EIF2B3: variants seen among roughly 807,000 people sequenced by gnomAD.
The protein encoded by EIF2B3 is eukaryotic translation initiation factor 2B subunit gamma, also known as translation initiation factor eIF2B subunit gamma.
Under a neutral mutation model 54.1 loss-of-function variants are expected in EIF2B3, and 20 were observed. The observed-to-expected ratio is 0.37, with a 90% CI of 0.26 to 0.54. EIF2B3 has a LOEUF of 0.54. EIF2B3 is among the 20% of genes least tolerant of loss of function. The pLI, the probability that EIF2B3 is intolerant of heterozygous loss-of-function variation, is 0.86. For missense variants in EIF2B3, 448 were observed against 547.8 expected, an observed-to-expected ratio of 0.82 and a Z score of 1.82; for synonymous variants, 153 against 188.1, an observed-to-expected ratio of 0.81 and a Z score of 1.52.
intron 5 of EIF2B3, among the ~76,000 whole-genome samples, chr1:44,919,130 T>C (rs756548889): frequency 6.6e-6 from 1 of 152,082 alleles, no homozygotes; most frequent in Non-Finnish European, 1.5e-5. Flanking sequence ...GGTGGATCAC[T>C]TGAGGTCAGG....
chr1:44,902,348 C>G (rs1643322094), intron 5 of EIF2B3, among the ~76,000 whole-genome samples: 1 of 152,076 alleles, frequency 6.6e-6, no homozygotes. Flanking sequence ...AAATATCCAA[C>G]TGAGATTCTA....
chr1:44,872,177 T>C (rs1654987050), intron 10 of EIF2B3, among the ~76,000 whole-genome samples: 2 of 152,138 alleles, frequency 1.3e-5, no homozygotes, highest in Admixed American at 1.3e-4. Context: ...AGACTACTGA[T>C]GTATGCCACC....
rs200098057 is a variant in EIF2B3 at position 44,966,467 on chromosome 1, A to C, written c.294+11848T>G. ...AAAAAAAAAAAAAAAGAAGAAGAAGAAGCCTGGCACTAAATAGAAATTGCC... is the reference window on the plus strand; with the variant it reads ...AAAAAAAAAAAAAAAGAAGAAGAAGCAGCCTGGCACTAAATAGAAATTGCC... On this transcript the variant is annotated intron_variant, in intron 3 of 11. Coordinates refer to ENST00000360403, the MANE Select transcript of EIF2B3 (RefSeq NM_020365.5). 2.6e-5 allele frequency among the ~76,000 whole-genome samples: 4 copies of C among 151,416 alleles called. No individual in the cohort carries two copies. In the East Asian group the frequency reaches 7.7e-4, roughly 29 times the overall value.
chr1:44,853,872 G>A (rs1654352335), intron 11 of EIF2B3, among the ~76,000 whole-genome samples: 1 of 152,140 alleles, frequency 6.6e-6, no homozygotes, highest in Non-Finnish European at 1.5e-5. Flanking sequence ...TCAACAGCCT[G>A]ACCTATACCA....
chr1:44,941,550 T>C lies in EIF2B3; in HGVS notation c.410A>G (p.Asp137Gly). 6.2e-7 allele frequency: 1 copy of C among 1,614,052 alleles called. No homozygotes were observed. Among genetic ancestry groups the C allele is most frequent in the Non-Finnish European group, 8.5e-7 (1 of 1,179,950 alleles). ...TTGACCGGGAACAGGTTCTATGCTA[T>C]CTTGGCCTTTTCTCATCAACATAGC... is the stretch of plus-strand genomic sequence containing the variant. The part of the protein sequence containing the change: ...SLAMLMRKGQ[D>G]SIEPVPGQKG... Residue 137 changes from aspartate (D) to glycine (G), a missense_variant, in exon 4 of 12, where the codon GAT becomes GGT. By Grantham distance (94) the Asp-to-Gly change is moderately conservative (BLOSUM62 -1). Transcript: ENST00000360403.
chr1:44,900,057 C>T (rs1469943431), intron 5 of EIF2B3, among the ~76,000 whole-genome samples: 1 of 152,194 alleles, frequency 6.6e-6, no homozygotes, highest in Non-Finnish European at 1.5e-5. Flanking sequence ...CTGGAGGCCA[C>T]TATCCTAAGC....
At chr1:44,891,772 G>T (rs1346974316) in intron 6 of EIF2B3, among the ~76,000 whole-genome samples, 1 of 152,158 alleles carries the variant, frequency 6.6e-6, no homozygotes, top group Non-Finnish European at 1.5e-5. Context: ...TCACAGTAAA[G>T]ACAGTTATAT....
chr1:44,884,105 C>T (rs1655499046), intron 6 of EIF2B3, among the ~76,000 whole-genome samples: 3 of 152,168 alleles, frequency 2.0e-5, no homozygotes, highest in Non-Finnish European at 4.4e-5. Flanking sequence ...TCCCAAAGTG[C>T]CGGGATTACA....
chr1:44,876,506 C>CG, intron 8 of EIF2B3, among the ~76,000 whole-genome samples: 1 of 105,468 alleles, frequency 9.5e-6, no homozygotes, highest in Non-Finnish European at 1.9e-5. Context: ...CCCCTCCGTC[C>CG]GGCAGCCACC....
At chr1:44,918,432 C>T (rs1378855075) in intron 5 of EIF2B3, among the ~76,000 whole-genome samples, 2 of 150,530 alleles carry the variant, frequency 1.3e-5, no homozygotes, top group African/African-American at 4.9e-5. Context: ...TCTTGTTGCA[C>T]AAGCTGGAGT....
At chr1:44,915,056 T>C (rs112961119) in intron 5 of EIF2B3, among the ~76,000 whole-genome samples, 22,496 of 150,178 alleles carry the variant, frequency 0.15, 1,809 homozygotes, top group South Asian at 0.17. Flanking sequence ...CCCAGCACTT[T>C]GGGAGGCCGA....
In EIF2B3 at chr1:44,857,814, C is replaced by G. The variant is rs1283685578; in HGVS notation, c.1203-7G>C. The G allele has an allele frequency of 6.2e-7, 1 of 1,613,046 alleles. No individual in the cohort carries two copies. The highest frequency in any genetic ancestry group is 8.5e-7 in the Non-Finnish European group (1 of 1,179,082). On this transcript the variant is annotated splice_polypyrimidine_tract_variant and splice_region_variant and intron_variant, in intron 10 of 11. Coordinates refer to ENST00000360403, the MANE Select transcript of EIF2B3 (RefSeq NM_020365.5). ...ACTGCCTTGGATATTGCTTCTGTAA[C>G]ACAGTAGCCAAGTTAGGGAGGACCC...
chr1:44,881,779 T>C lies in EIF2B3; in HGVS notation c.657-40A>G, dbSNP rs1460386716. 6.2e-6 allele frequency: 10 copies of C among 1,611,722 alleles called. No homozygotes were observed. The highest frequency in any genetic ancestry group is 2.2e-5 in the East Asian group (1 of 44,808). ...TGGCCAAATATGAGAAACCTGACTG[T>C]CTGGAACATACCCGGATCAAAAGCT... On this transcript the variant is annotated intron_variant, in intron 6 of 11. Transcript: ENST00000360403. The surrounding 1 kb of genome is among the most constrained non-coding windows in gnomAD (Gnocchi z 4.0).
chr1:44,917,358 T>G (rs1202108556), intron 5 of EIF2B3, among the ~76,000 whole-genome samples: 3 of 151,980 alleles, frequency 2.0e-5, no homozygotes, highest in Non-Finnish European at 4.4e-5. Context: ...CCAGGCATAG[T>G]GGCTCATGCC....
chr1:44,897,001 T>C lies in EIF2B3; in HGVS notation c.656+354A>G, dbSNP rs17392888. Among the ~76,000 whole-genome samples, 754 of 152,266 alleles carry C rather than the reference T, an allele frequency of 5.0e-3. 3 individuals carry two copies. The highest frequency in any genetic ancestry group is 8.7e-3 in the Non-Finnish European group (589 of 68,022). ...CAGGATAACTGCCTAGGAGAACATG[T>C]AATTAGAGACAAACAGCATAAGGGC... On this transcript the variant is annotated intron_variant, in intron 6 of 11. Coordinates refer to ENST00000360403, the MANE Select transcript of EIF2B3 (RefSeq NM_020365.5).
At chr1:44,937,679 C>T (rs1050328191) in intron 4 of EIF2B3, among the ~76,000 whole-genome samples, 1 of 151,340 alleles carries the variant, frequency 6.6e-6, no homozygotes, top group Non-Finnish European at 1.5e-5. Context: ...GTCAGGAGAT[C>T]GAGACCATCC....
At chr1:44,973,631 G>A (rs1027360645) in intron 3 of EIF2B3, among the ~76,000 whole-genome samples, 2 of 152,102 alleles carry the variant, frequency 1.3e-5, no homozygotes, top group Non-Finnish European at 2.9e-5. Flanking sequence ...TTGAACCTGG[G>A]AGGTAGAGGC....
chr1:44,950,950 A>T (rs1644154212), intron 3 of EIF2B3, among the ~76,000 whole-genome samples: 1 of 152,202 alleles, frequency 6.6e-6, no homozygotes, highest in Non-Finnish European at 1.5e-5. Context: ...TGGCCTCCCG[A>T]AGTGTTGGGA....
chr1:44,931,382 T>C (rs1383382737), intron 4 of EIF2B3, among the ~76,000 whole-genome samples: 2 of 152,244 alleles, frequency 1.3e-5, no homozygotes, highest in African/African-American at 4.8e-5. Context: ...TCTGAAAGAC[T>C]GGTGGACCAG....
Sources: gnomAD v4.1 joint callset for allele counts (sites outside exome capture counted in the v4.1 genomes callset) on GRCh38, gnomAD v4.1.1 for gene constraint, Gnocchi (gnomAD v3.1) non-coding constraint, MANE v1.5 for transcripts, NCBI Gene and HGNC (gene_info 2026-07-23, HGNC 2026-07-21) for gene names.